PCDH11X: variants seen among roughly 807,000 people sequenced by gnomAD.
The protein encoded by PCDH11X is protocadherin-11 X-linked.
Under a neutral mutation model 53.3 loss-of-function variants are expected in PCDH11X, and 18 were observed. The observed-to-expected ratio is 0.34, with a 90% CI of 0.23 to 0.50. PCDH11X has a LOEUF of 0.50. Among genes scored for constraint, PCDH11X ranks in the 20% least tolerant of loss-of-function variants. The pLI, the probability that PCDH11X is intolerant of heterozygous loss-of-function variation, is 0.98. For synonymous variants in PCDH11X, 279 were observed against 393.3 expected (o/e 0.71, Z 3.44); for missense variants, 570 against 1,032.4 (o/e 0.55, Z 6.14).
At chrX:92,495,324 T>G (rs2073841771) in intron 10 of PCDH11X, among the ~76,000 whole-genome samples, 1 of 109,144 alleles carries the variant, frequency 9.2e-6, no homozygotes, top group Admixed American at 9.9e-5. Flanking sequence ...ATGTGCCTGC[T>G]TATATGCTAT....
chrX:91,830,755 A>G (rs940757990), intron 4 of PCDH11X, among the ~76,000 whole-genome samples: 32 of 111,019 alleles, frequency 2.9e-4, no homozygotes, highest in Non-Finnish European at 5.5e-4. Flanking sequence ...GAATGATGAG[A>G]TTTAAGTGGA....
intron 9 of PCDH11X, among the ~76,000 whole-genome samples, chrX:92,421,582 A>G: frequency 9.0e-6 from 1 of 111,610 alleles, no homozygotes; most frequent in Non-Finnish European, 1.9e-5. Flanking sequence ...ACACTTGCAT[A>G]TGTCTTTATG....
intron 6 of PCDH11X, among the ~76,000 whole-genome samples, chrX:92,149,713 T>C (rs1485571052): frequency 9.0e-6 from 1 of 111,187 alleles, no homozygotes; most frequent in Non-Finnish European, 1.9e-5. Flanking sequence ...TTGTCATAAC[T>C]AAAAGTTTCC....
intron 10 of PCDH11X, among the ~76,000 whole-genome samples, chrX:92,504,539 G>A (rs2074016785): frequency 9.0e-6 from 1 of 111,460 alleles, no homozygotes; most frequent in South Asian, 3.7e-4. Context: ...TCTTTATCCA[G>A]TCAACCATGG....
At chrX:92,367,893 G>A (rs1373027551) in intron 8 of PCDH11X, among the ~76,000 whole-genome samples, 2 of 109,983 alleles carry the variant, frequency 1.8e-5, no homozygotes, top group African/African-American at 3.3e-5. Context: ...CCCTTTGTAG[G>A]TAACCTACCT....
At chrX:91,987,506 C>T (rs926975368) in intron 6 of PCDH11X, among the ~76,000 whole-genome samples, 1 of 111,234 alleles carries the variant, frequency 9.0e-6, no homozygotes, top group African/African-American at 3.3e-5. Flanking sequence ...TAAATCTACT[C>T]ATTATTTATA....
intron 6 of PCDH11X, among the ~76,000 whole-genome samples, chrX:92,156,240 C>T (rs2065532962): frequency 9.1e-6 from 1 of 109,781 alleles, no homozygotes; most frequent in Non-Finnish European, 1.9e-5. Context: ...CATCTCCTAT[C>T]CGCCCCCCCA....
chrX:91,834,275 G>A (rs1401123616), intron 4 of PCDH11X, among the ~76,000 whole-genome samples: 1 of 111,162 alleles, frequency 9.0e-6, no homozygotes, highest in Non-Finnish European at 1.9e-5. Context: ...GGAAACTGAA[G>A]ATAAAATTTG....
intron 6 of PCDH11X, among the ~76,000 whole-genome samples, chrX:92,013,725 G>A (rs1325998205): frequency 5.4e-5 from 6 of 110,952 alleles, no homozygotes; most frequent in Non-Finnish European, 7.6e-5. Context: ...CAGAAATAAC[G>A]CCACACATCT....
intron 10 of PCDH11X, among the ~76,000 whole-genome samples, chrX:92,611,477 C>T (rs1433194073): frequency 9.1e-6 from 1 of 110,062 alleles, no homozygotes; most frequent in Non-Finnish European, 1.9e-5. Context: ...GTTCCAGGAG[C>T]CTTTCAATGT....
chrX:92,243,048 G>T (rs752614276), intron 7 of PCDH11X, among the ~76,000 whole-genome samples: 224 of 110,611 alleles, frequency 2.0e-3, no homozygotes, highest in African/African-American at 6.9e-3. Flanking sequence ...AATATTTTCT[G>T]CCAATCTTCT....
intron 6 of PCDH11X, among the ~76,000 whole-genome samples, chrX:91,959,598 C>A: frequency 9.8e-6 from 1 of 102,053 alleles, no homozygotes; most frequent in East Asian, 3.2e-4. Flanking sequence ...CAAGTTCATT[C>A]AAGTTGCTGC....
intron 6 of PCDH11X, among the ~76,000 whole-genome samples, chrX:92,087,670 G>T (rs1202348339): frequency 5.4e-5 from 6 of 110,313 alleles, no homozygotes; most frequent in Admixed American, 2.9e-4. Context: ...ACACAGACAG[G>T]TTTGTACATA....
chrX:91,873,452 T>C (rs1451667823), intron 5 of PCDH11X, among the ~76,000 whole-genome samples: 1 of 111,526 alleles, frequency 9.0e-6, no homozygotes, highest in African/African-American at 3.3e-5. Context: ...ATAGCAATGG[T>C]GACATTATCC....
chrX:92,341,182 C>T (rs6618977), intron 8 of PCDH11X, among the ~76,000 whole-genome samples: 12,332 of 111,436 alleles, frequency 0.11, 1,147 homozygotes, highest in East Asian at 0.64. Flanking sequence ...TTTCCATCTG[C>T]GAACACGGCA....
chrX:92,056,720 A>G (rs2063455068), intron 6 of PCDH11X, among the ~76,000 whole-genome samples: 1 of 110,807 alleles, frequency 9.0e-6, no homozygotes, highest in South Asian at 3.7e-4. Context: ...CTTATTTAAA[A>G]TTATATTTAT....
intron 4 of PCDH11X, among the ~76,000 whole-genome samples, chrX:91,811,844 TAACA>T (rs1434027595): frequency 2.0e-5 from 2 of 98,600 alleles, no homozygotes; most frequent in African/African-American, 3.7e-5. Flanking sequence ...GACACCAAAC[TAACA>T]AACAAGAGAG....
chrX:92,403,984 T>C (rs375844589), intron 9 of PCDH11X, among the ~76,000 whole-genome samples: 2 of 110,101 alleles, frequency 1.8e-5, no homozygotes, highest in Middle Eastern at 4.7e-3. Flanking sequence ...AGCGGCAGAA[T>C]ATAAGAAGAC....
intron 1 of PCDH11X, among the ~76,000 whole-genome samples, chrX:91,803,602 G>A (rs1190662521): frequency 2.7e-5 from 3 of 111,350 alleles, no homozygotes; most frequent in Non-Finnish European, 5.7e-5. Flanking sequence ...CTGTGACCTT[G>A]GGCAAGTTAT....
Sources: gnomAD v4.1 joint callset for allele counts (sites outside exome capture counted in the v4.1 genomes callset) on GRCh38, gnomAD v4.1.1 for gene constraint, MANE v1.5 for transcripts, NCBI Gene and HGNC (gene_info 2026-07-23, HGNC 2026-07-21) for gene names.